The following ROBO1 variants were observed in gnomAD, a reference collection of about 807,000 sequenced individuals.
ROBO1 encodes the protein roundabout homolog 1.
In ROBO1, 149 loss-of-function variants were observed where a neutral mutation model predicts 195.9. The ratio of observed to expected loss-of-function variants is 0.76; its 90% CI spans 0.67 to 0.87. The LOEUF (loss-of-function observed/expected upper bound fraction) is 0.87, where lower values mean the gene tolerates loss of function less well. Ranked by LOEUF, ROBO1 falls within the 40% of genes least tolerant of loss-of-function variation. The pLI, the probability that ROBO1 is intolerant of heterozygous loss-of-function variation, is 0.00. For synonymous variants in ROBO1, 816 were observed against 733.2 expected, an observed-to-expected ratio of 1.11 and a Z score of -1.82; for missense variants, 1,933 against 2,068.3, an observed-to-expected ratio of 0.93 and a Z score of 1.27.
At chr3:79,559,747 T>C (rs972600005) in intron 2 of ROBO1, among the ~76,000 whole-genome samples, 3 of 152,134 alleles carry the variant, frequency 2.0e-5, no homozygotes, top group African/African-American at 7.2e-5. Flanking sequence ...TGAAACCCCG[T>C]CTCTACTAAA....
chr3:79,018,993 A>G (rs560239740), intron 3 of ROBO1: 2 of 990,260 alleles, frequency 2.0e-6, no homozygotes, highest in East Asian at 2.2e-4. Flanking sequence ...GCAGCTCCGG[A>G]GGAAGGGCTC....
At chr3:79,510,927 G>C (rs1940670514) in intron 2 of ROBO1, among the ~76,000 whole-genome samples, 2 of 152,082 alleles carry the variant, frequency 1.3e-5, no homozygotes, top group South Asian at 4.1e-4. Flanking sequence ...TTGTCTCCTT[G>C]AGACACTAGG....
intron 2 of ROBO1, among the ~76,000 whole-genome samples, chr3:79,218,607 C>T (rs1317193344): frequency 6.6e-6 from 1 of 151,828 alleles, no homozygotes; most frequent in Non-Finnish European, 1.5e-5. Context: ...GAAAGAGTAT[C>T]AAGATAAAAC....
intron 3 of ROBO1, among the ~76,000 whole-genome samples, chr3:78,996,430 C>T (rs2077368165): frequency 6.6e-6 from 1 of 152,024 alleles, no homozygotes; most frequent in Non-Finnish European, 1.5e-5. Context: ...ACCTCCAAAC[C>T]TTTGTACTTA....
intron 2 of ROBO1, among the ~76,000 whole-genome samples, chr3:79,284,934 A>G (rs1218754969): frequency 1.3e-5 from 2 of 152,172 alleles, no homozygotes; most frequent in Non-Finnish European, 1.5e-5. Context: ...CTGGAAAAAA[A>G]AAAGTACTAT....
At chr3:79,195,706 C>A (rs1329742038) in intron 2 of ROBO1, among the ~76,000 whole-genome samples, 1 of 151,344 alleles carries the variant, frequency 6.6e-6, no homozygotes, top group East Asian at 1.9e-4. Context: ...GTCAATAAAA[C>A]CCTGTTTCAA....
intron 2 of ROBO1, among the ~76,000 whole-genome samples, chr3:79,475,459 A>G (rs1038866061): frequency 5.3e-5 from 8 of 152,068 alleles, no homozygotes; most frequent in African/African-American, 1.9e-4. Flanking sequence ...ATATATTATT[A>G]CAACTCAATA....
At chr3:78,692,660 A>G (rs2081201508) in intron 8 of ROBO1, among the ~76,000 whole-genome samples, 1 of 152,184 alleles carries the variant, frequency 6.6e-6, no homozygotes, top group Non-Finnish European at 1.5e-5. Context: ...ATTCATGTAC[A>G]ATTATCTAAA....
intron 2 of ROBO1, among the ~76,000 whole-genome samples, chr3:79,262,912 C>T (rs946154066): frequency 1.3e-5 from 2 of 152,072 alleles, no homozygotes; most frequent in African/African-American, 4.8e-5. Context: ...AGGAACACCT[C>T]ATATCAGATC....
At chr3:79,166,298 C>T (rs1362637451) in intron 2 of ROBO1, among the ~76,000 whole-genome samples, 1 of 152,120 alleles carries the variant, frequency 6.6e-6, no homozygotes, top group Non-Finnish European at 1.5e-5. Context: ...TACAAACTTG[C>T]CCTTGACTAA....
chr3:79,721,220 C>T (rs1461483922), intron 1 of ROBO1, among the ~76,000 whole-genome samples: 1 of 152,124 alleles, frequency 6.6e-6, no homozygotes, highest in African/African-American at 2.4e-5. Flanking sequence ...ACCCCTGTGC[C>T]AAATCATTGC....
intron 2 of ROBO1, among the ~76,000 whole-genome samples, chr3:79,340,186 C>T (rs1242676346): frequency 3.3e-5 from 5 of 152,154 alleles, no homozygotes; most frequent in Non-Finnish European, 7.3e-5. Flanking sequence ...AAATTTGTCT[C>T]TCTTGAACCT....
At chr3:79,178,105 T>G (rs2081285512) in intron 2 of ROBO1, among the ~76,000 whole-genome samples, 1 of 152,242 alleles carries the variant, frequency 6.6e-6, no homozygotes, top group Non-Finnish European at 1.5e-5. Context: ...TTTAGTTGCC[T>G]GCTCATATGT....
chr3:79,374,331 A>G (rs1303425738), intron 2 of ROBO1, among the ~76,000 whole-genome samples: 1 of 151,422 alleles, frequency 6.6e-6, no homozygotes, highest in Non-Finnish European at 1.5e-5. Flanking sequence ...ATATTCTTAG[A>G]GCTCAAACAT....
chr3:78,621,260 T>C (rs1704439021), intron 26 of ROBO1, among the ~76,000 whole-genome samples: 1 of 152,192 alleles, frequency 6.6e-6, no homozygotes, highest in South Asian at 2.1e-4. Context: ...ATACCACACT[T>C]AAAAGTTAAT....
intron 1 of ROBO1, among the ~76,000 whole-genome samples, chr3:79,713,632 C>T (rs550396897): frequency 4.6e-5 from 7 of 152,058 alleles, no homozygotes; most frequent in Admixed American, 2.6e-4. Flanking sequence ...CTTTTGTTGC[C>T]GTTGCTTTTG....
chr3:79,261,321 G>T (rs1342598954), intron 2 of ROBO1, among the ~76,000 whole-genome samples: 1 of 152,006 alleles, frequency 6.6e-6, no homozygotes, highest in Non-Finnish European at 1.5e-5. Flanking sequence ...AGACTAAACA[G>T]CTAGTGGATG....
chr3:79,226,410 C>A (rs149812114), intron 2 of ROBO1, among the ~76,000 whole-genome samples: 2,913 of 152,234 alleles, frequency 0.019, 54 homozygotes, highest in Middle Eastern at 0.024. Context: ...CACACCAAGT[C>A]TTCTTTGAGC....
At chr3:79,401,945 C>T (rs1316562224) in intron 2 of ROBO1, among the ~76,000 whole-genome samples, 1 of 151,840 alleles carries the variant, frequency 6.6e-6, no homozygotes, top group Admixed American at 6.6e-5. Context: ...AACAATACTT[C>T]ATGGTTACAC....
Sources: gnomAD v4.1 joint callset for allele counts (sites outside exome capture counted in the v4.1 genomes callset) on GRCh38, gnomAD v4.1.1 for gene constraint, MANE v1.5 for transcripts, NCBI Gene and HGNC (gene_info 2026-07-23, HGNC 2026-07-21) for gene names.